Variants in SVOPL observed in about 807,000 individuals in gnomAD.
SVOPL encodes SVOP like.
A neutral mutation model predicts 61.0 loss-of-function variants in SVOPL; 60 were observed. The ratio of observed to expected loss-of-function variants is 0.98; its 90% CI spans 0.80 to 1.22. The LOEUF is 1.22. Ranked by LOEUF, SVOPL falls within the 50% of genes most tolerant of loss-of-function variation. The pLI is 0.00. For missense variants in SVOPL, 662 were observed against 643.9 expected, an observed-to-expected ratio of 1.03 and a Z score of -0.30; for synonymous variants, 279 against 250.0, an observed-to-expected ratio of 1.12 and a Z score of -1.09.
intron 5 of SVOPL, chr7:138,662,627 C>T (rs544300903): frequency 1.9e-5 from 19 of 990,144 alleles, no homozygotes; most frequent in Admixed American, 5.9e-5. Context: ...TCATTAGAAG[C>T]GAAGATATGG....
chr7:138,689,370 A>G (rs941523818), intron 1 of SVOPL: 1 of 1,580,484 alleles, frequency 6.3e-7, no homozygotes, highest in African/African-American at 1.3e-5. Context: ...CCGGATCGAC[A>G]GAGCTTATGG....
intron 14 of SVOPL, 31 bp downstream of exon 14, chr7:138,621,015 C>T (rs749280103): frequency 6.2e-7 from 1 of 1,602,508 alleles, no homozygotes; most frequent in Non-Finnish European, 8.5e-7. Flanking sequence ...CTCTCAGACT[C>T]TCTCTCTCCC....
intron 7 of SVOPL, among the ~76,000 whole-genome samples, chr7:138,650,913 C>T (rs1285457213): frequency 6.7e-6 from 1 of 149,636 alleles, no homozygotes; most frequent in Non-Finnish European, 1.5e-5. Flanking sequence ...AAGGCTTCAG[C>T]GGGAAGGGTC....
At chr7:138,610,133 T>C (rs1364336171) in intron 14 of SVOPL, among the ~76,000 whole-genome samples, 3 of 152,188 alleles carry the variant, frequency 2.0e-5, no homozygotes, top group Non-Finnish European at 4.4e-5. Context: ...TACAATGAAA[T>C]ATTTTTCAGC....
chr7:138,651,877 T>C (rs1317268065), intron 7 of SVOPL, among the ~76,000 whole-genome samples: 1 of 152,154 alleles, frequency 6.6e-6, no homozygotes, highest in Admixed American at 6.5e-5. Context: ...TCTCTAAGTG[T>C]TCAACTGAAA....
At chr7:138,602,302 GCAAA>G (rs1378201467) in intron 14 of SVOPL, among the ~76,000 whole-genome samples, 4 of 151,998 alleles carry the variant, frequency 2.6e-5, no homozygotes, top group African/African-American at 9.7e-5. Context: ...AAAATAAAAT[GCAAA>G]CAATGTATTC....
intron 1 of SVOPL, among the ~76,000 whole-genome samples, chr7:138,700,956 G>T (rs1448864194): frequency 6.6e-6 from 1 of 152,050 alleles, no homozygotes; most frequent in African/African-American, 2.4e-5. Context: ...ATTGTATTTT[G>T]TTATACTGAT....
intron 4 of SVOPL, 96 bp from the exon 5 acceptor site, chr7:138,663,241 G>C (rs767358597): frequency 1.9e-6 from 3 of 1,542,510 alleles, no homozygotes; most frequent in East Asian, 2.4e-5. Context: ...CTGGAAATAC[G>C]GGAGGGATGG....
rs376846301 is a variant in SVOPL at position 138,603,620 on chromosome 7, G to A, written c.1354-7090C>T. On this transcript the variant is annotated intron_variant, in intron 14 of 15. Coordinates refer to ENST00000674285, the MANE Select transcript of SVOPL (RefSeq NM_001139456.2). ...CCGGCAGGCAGAGGTTGCAGTGAGC[G>A]GAGATTGCACCACTGCACTTCAGCC... Among the ~76,000 whole-genome samples the A allele has an allele frequency of 7.2e-5, 11 of 152,190 alleles. No homozygotes were observed. The East Asian group carries it at 9.7e-4, about 13-fold the overall frequency.
chr7:138,659,808 C>G (rs775601524), intron 6 of SVOPL, 56 bp downstream of exon 6: 77 of 1,506,178 alleles, frequency 5.1e-5, no homozygotes, highest in Admixed American at 9.9e-5. Context: ...GTGTGTGCAT[C>G]AGGGCCTGCA....
At chr7:138,644,626 A>C in intron 9 of SVOPL, 91 bp downstream of exon 9, 2 of 1,520,962 alleles carry the variant, frequency 1.3e-6, no homozygotes, top group Non-Finnish European at 1.8e-6. Flanking sequence ...ACTAGAGAAC[A>C]AGGGTCCCCC....
intron 9 of SVOPL, among the ~76,000 whole-genome samples, chr7:138,644,028 C>T (rs1005025781): frequency 6.6e-6 from 1 of 151,580 alleles, no homozygotes; most frequent in African/African-American, 2.4e-5. Context: ...ATGGTGAAAC[C>T]CTGTCTCTAC....
intron 1 of SVOPL, among the ~76,000 whole-genome samples, chr7:138,690,623 C>T (rs77659663): frequency 1.2e-4 from 18 of 151,600 alleles, no homozygotes; most frequent in Admixed American, 2.0e-4. Context: ...TGAGTGGTTG[C>T]GGGGGGAGGA....
chr7:138,621,068 A>G lies in SVOPL; in HGVS notation c.1331T>C (p.Met444Thr). ...TACCTGGGATATAAATGGTGCCACC[A>G]TTGCACCAATGCGACACAGGGAGCC... is the stretch of plus-strand genomic sequence containing the variant. ...TSGSLCRIGA[M>T]VAPFISQVLM... Residue 444 changes from methionine to threonine, a missense_variant, in exon 14 of 16, where the codon ATG (methionine) becomes ACG (threonine). Physicochemically the swap from Met to Thr is moderately conservative, Grantham distance 81. Transcript: ENST00000674285. 6.2e-7 allele frequency: 1 copy of G among 1,613,584 alleles called. No individual in the cohort carries two copies.
chr7:138,609,614 G>T (rs560044016), intron 14 of SVOPL, among the ~76,000 whole-genome samples: 6 of 151,422 alleles, frequency 4.0e-5, no homozygotes, highest in South Asian at 2.1e-4. Flanking sequence ...AGCTGTGATC[G>T]CACCACTGCC....
chr7:138,611,206 CG>C (rs1798984572), intron 14 of SVOPL, among the ~76,000 whole-genome samples: 1 of 152,146 alleles, frequency 6.6e-6, no homozygotes, highest in Non-Finnish European at 1.5e-5. Flanking sequence ...GGCAAACCCT[CG>C]TCTCTATTAA....
chr7:138,636,901 G>T (rs1800493154), intron 9 of SVOPL, among the ~76,000 whole-genome samples: 1 of 152,028 alleles, frequency 6.6e-6, no homozygotes, highest in South Asian at 2.1e-4. Flanking sequence ...TTCTGAAAAA[G>T]ATGTTTGACC....
intron 9 of SVOPL, among the ~76,000 whole-genome samples, chr7:138,640,778 G>C (rs1342918840): frequency 1.3e-5 from 2 of 152,140 alleles, no homozygotes; most frequent in African/African-American, 4.8e-5. Flanking sequence ...GGGAGGGAAA[G>C]GGCAAGGGCT....
At chr7:138,673,065 C>T (rs909878342) in intron 3 of SVOPL, among the ~76,000 whole-genome samples, 6 of 151,576 alleles carry the variant, frequency 4.0e-5, no homozygotes, top group African/African-American at 1.5e-4. Context: ...TTGACAGGGA[C>T]AAGGTTATCA....
Sources: allele counts gnomAD v4.1 joint callset (sites outside exome capture counted in the v4.1 genomes callset), GRCh38; gene constraint gnomAD v4.1.1; transcripts MANE v1.5; gene names NCBI Gene and HGNC (gene_info 2026-07-23, HGNC 2026-07-21).